Variants in FAM107B observed in about 807,000 individuals in gnomAD.
The protein encoded by FAM107B is family with sequence similarity 107 member B.
Under a neutral mutation model 31.5 loss-of-function variants are expected in FAM107B, and 21 were observed. The observed-to-expected ratio is 0.67, with a 90% CI of 0.47 to 0.96. The LOEUF (loss-of-function observed/expected upper bound fraction) is 0.96, where lower values mean the gene tolerates loss of function less well. Among genes scored for constraint, FAM107B ranks in the 40% least tolerant of loss-of-function variants. FAM107B has a pLI of 0.00. For missense variants in FAM107B, 452 were observed against 377.1 expected (o/e 1.20, Z -1.64); for synonymous variants, 157 against 141.5 (o/e 1.11, Z -0.78).
intron 2 of FAM107B, among the ~76,000 whole-genome samples, chr10:14,590,989 C>CAAAAAAAAAAAAAAAAAA (rs35000609): frequency 1.5e-5 from 1 of 67,020 alleles, no homozygotes; most frequent in Non-Finnish European, 2.8e-5. Context: ...AACTCCATCT[C>CAAAAAAAAAAAAAAAAAA]AAAAAAAAAA....
chr10:14,740,946 T>C (rs143667591), intron 1 of FAM107B, among the ~76,000 whole-genome samples: 158 of 152,350 alleles, frequency 1.0e-3, no homozygotes, highest in Middle Eastern at 6.8e-3. Context: ...TGATCAAAAA[T>C]GTTCTGTTAA....
intron 1 of FAM107B, among the ~76,000 whole-genome samples, chr10:14,709,833 T>C (rs1178042667): frequency 6.6e-6 from 1 of 152,168 alleles, no homozygotes; most frequent in Non-Finnish European, 1.5e-5. Flanking sequence ...AAAGACTATA[T>C]ACTATATGAT....
In FAM107B at chr10:14,626,367, G is replaced by A. The variant is rs923491003; in HGVS notation, c.469+41267C>T. On this transcript the variant is annotated intron_variant, in intron 2 of 4. Transcript: ENST00000181796. ...CAGACTGTGCAATTGTCTAAGAGCC[G>A]GAAATGTTGGAATTTAGGTGCAAAA... 5.9e-5 allele frequency among the ~76,000 whole-genome samples: 9 copies of A among 152,216 alleles called. No homozygotes were observed. The South Asian group carries it at 1.2e-3, about 21-fold the overall frequency.
chr10:14,572,820 T>C (rs1041901525), intron 2 of FAM107B, among the ~76,000 whole-genome samples: 22 of 147,292 alleles, frequency 1.5e-4, no homozygotes, highest in Middle Eastern at 3.6e-3. Context: ...ATATATTAGA[T>C]TGGAAAAAAA....
intron 2 of FAM107B, among the ~76,000 whole-genome samples, chr10:14,571,283 GAC>G (rs541149786): frequency 5.9e-5 from 9 of 152,212 alleles, no homozygotes; most frequent in East Asian, 5.8e-4. Flanking sequence ...TTTTGGGGGT[GAC>G]ACACACATTC....
intron 2 of FAM107B, among the ~76,000 whole-genome samples, chr10:14,536,317 C>T (rs944433709): frequency 1.3e-5 from 2 of 152,194 alleles, no homozygotes; most frequent in Admixed American, 1.3e-4. Context: ...AGTGAAACAA[C>T]CTTTTGAACT....
chr10:14,767,601 T>A (rs12250461), intron 1 of FAM107B, among the ~76,000 whole-genome samples: 10 of 150,944 alleles, frequency 6.6e-5, no homozygotes, highest in Admixed American at 2.0e-4. Context: ...TGAAAAAAAA[T>A]TAACAAAATT....
At chr10:14,617,229 CT>C (rs1852877472) in intron 2 of FAM107B, among the ~76,000 whole-genome samples, 1 of 152,256 alleles carries the variant, frequency 6.6e-6, no homozygotes, top group African/African-American at 2.4e-5. Flanking sequence ...GGAAACAAGC[CT>C]TTCCTGTTGA....
chr10:14,629,400 TA>T (rs1853273266), intron 2 of FAM107B, among the ~76,000 whole-genome samples: 1 of 41,322 alleles, frequency 2.4e-5, no homozygotes, highest in African/African-American at 1.2e-4. Context: ...TAATATATAT[TA>T]TATATTTAAT....
intron 1 of FAM107B, among the ~76,000 whole-genome samples, chr10:14,749,622 G>A (rs1407389558): frequency 6.6e-6 from 1 of 152,160 alleles, no homozygotes; most frequent in Non-Finnish European, 1.5e-5. Context: ...CCACAGCGAG[G>A]CCTTCGCAGA....
At chr10:14,698,180 G>A (rs923412896) in intron 1 of FAM107B, among the ~76,000 whole-genome samples, 2 of 151,950 alleles carry the variant, frequency 1.3e-5, no homozygotes, top group African/African-American at 4.8e-5. Flanking sequence ...TATGCTCAGA[G>A]TAATTTTTAC....
At chr10:14,568,796 G>A (rs1192535475) in intron 2 of FAM107B, among the ~76,000 whole-genome samples, 1 of 150,544 alleles carries the variant, frequency 6.6e-6, no homozygotes, top group Non-Finnish European at 1.5e-5. Flanking sequence ...GAGGGGAAGG[G>A]AGAGAGGGTG....
At chr10:14,675,085 C>CA (rs1250331337) in intron 1 of FAM107B, among the ~76,000 whole-genome samples, 13 of 152,092 alleles carry the variant, frequency 8.5e-5, no homozygotes, top group African/African-American at 3.1e-4. Context: ...CTTGCATGCC[C>CA]ATATTAAACT....
chr10:14,573,155 G>C (rs906270123), intron 2 of FAM107B, among the ~76,000 whole-genome samples: 94 of 152,038 alleles, frequency 6.2e-4, no homozygotes, highest in African/African-American at 2.2e-3. Context: ...AGAGAAACAG[G>C]CTTGGTGGAA....
intron 1 of FAM107B, among the ~76,000 whole-genome samples, chr10:14,764,115 C>T (rs551890051): frequency 1.3e-5 from 2 of 152,238 alleles, no homozygotes; most frequent in Non-Finnish European, 2.9e-5. Context: ...TTTGAATTAA[C>T]TCTAGGTGTT....
At chr10:14,730,422 G>C (rs772793213) in intron 1 of FAM107B, among the ~76,000 whole-genome samples, 2 of 152,174 alleles carry the variant, frequency 1.3e-5, no homozygotes, top group Non-Finnish European at 2.9e-5. Flanking sequence ...TGGATTTATA[G>C]GCAGATAAAG....
chr10:14,605,724 T>C (rs375120001), intron 2 of FAM107B, among the ~76,000 whole-genome samples: 1 of 152,180 alleles, frequency 6.6e-6, no homozygotes, highest in African/African-American at 2.4e-5. Flanking sequence ...ACTTTATACA[T>C]GGTGTTTCCT....
intron 1 of FAM107B, among the ~76,000 whole-genome samples, chr10:14,756,443 T>A (rs1832932588): frequency 6.6e-6 from 1 of 152,148 alleles, no homozygotes; most frequent in South Asian, 2.1e-4. Flanking sequence ...GTGGGCCTCA[T>A]CCAATCATTC....
At chr10:14,728,581 T>C (rs143508595) in intron 1 of FAM107B, among the ~76,000 whole-genome samples, 68 of 152,286 alleles carry the variant, frequency 4.5e-4, no homozygotes, top group African/African-American at 1.3e-3. Flanking sequence ...TGATATCTCC[T>C]TAGAGATGAG....
Sources: gnomAD v4.1 joint callset for allele counts (sites outside exome capture counted in the v4.1 genomes callset) on GRCh38, gnomAD v4.1.1 for gene constraint, MANE v1.5 for transcripts, NCBI Gene and HGNC (gene_info 2026-07-23, HGNC 2026-07-21) for gene names.